The following SH3BP5L variants were observed in gnomAD, a reference collection of about 807,000 sequenced individuals.
SH3BP5L encodes the protein SH3 binding domain protein 5 like.
In SH3BP5L, 16 loss-of-function variants were observed where a neutral mutation model predicts 40.9. That is an observed-to-expected ratio of 0.39 (90% confidence interval 0.27 to 0.59). The LOEUF is 0.59. Ranked by LOEUF, SH3BP5L falls within the 20% of genes least tolerant of loss-of-function variation. The pLI is 0.53. For synonymous variants in SH3BP5L, 229 were observed against 226.7 expected, an observed-to-expected ratio of 1.01 and a Z score of -0.09; for missense variants, 471 against 544.6, an observed-to-expected ratio of 0.86 and a Z score of 1.35.
chr1:248,819,782 C>T (rs1028897730), intron 2 of SH3BP5L, among the ~76,000 whole-genome samples: 3 of 151,652 alleles, frequency 2.0e-5, no homozygotes, highest in Non-Finnish European at 2.9e-5. Flanking sequence ...TGCATTGGGC[C>T]GTGTTCAAAG....
chr1:248,816,351 A>G (rs956130285), intron 4 of SH3BP5L, 183 bp downstream of exon 4: 7 of 627,162 alleles, frequency 1.1e-5, no homozygotes, highest in Admixed American at 3.0e-5. Flanking sequence ...ATAGACCATA[A>G]GCCCAGAGCC....
intron 2 of SH3BP5L, among the ~76,000 whole-genome samples, chr1:248,818,484 G>C (rs1664167401): frequency 6.6e-6 from 1 of 152,240 alleles, no homozygotes; most frequent in African/African-American, 2.4e-5. Flanking sequence ...TCAAGATCAG[G>C]AAAGTGTATA....
chr1:248,814,599 C>T lies in SH3BP5L; in HGVS notation c.387G>A (p.Glu129=). ...CGTACCGCAGCGCTGCCTTCTGTGTCTCCTGCTGAGCCTGGGGGGAGAGGG... is the reference window on the plus strand; with the variant it reads ...CGTACCGCAGCGCTGCCTTCTGTGTTTCCTGCTGAGCCTGGGGGGAGAGGG... ...ARRLAKEAQQ[E]TQKAALRYER... The change falls in exon 5 of 7, where the codon GAG becomes GAA. Residue 129 remains glutamate (E), a synonymous_variant. Transcript: ENST00000366472. 3 of 1,614,192 alleles carry T rather than the reference C, an allele frequency of 1.9e-6. No homozygotes were observed. The South Asian group carries it at 3.3e-5, about 18-fold the overall frequency.
rs895373947 is a variant in SH3BP5L at position 248,819,656 on chromosome 1, T to C, written c.184-2772A>G. 9.3e-5 allele frequency among the ~76,000 whole-genome samples: 13 copies of C among 140,352 alleles called. No homozygotes were observed. The East Asian group carries it at 2.7e-3, about 29-fold the overall frequency. The allele number at this position is 140,352 out of a possible 152,430, so 92.1% of individuals were successfully genotyped here. On this transcript the variant is annotated intron_variant, in intron 2 of 6. Transcript: ENST00000366472. ...AGGCGGAAGTTGCAGTGGTCTGAGA[T>C]TGTGCCACTGCACTCCAGCCTGGGT... is the stretch of plus-strand genomic sequence containing the variant.
chr1:248,825,260 G>A lies in SH3BP5L; in HGVS notation c.-325C>T. ...GATCCTGGACCGAGGCCTGCTAGGA[G>A]GAGCACCATTCGGGAGGGTGGAGGC... On this transcript the variant is annotated 5_prime_UTR_variant, in exon 2 of 7. Coordinates refer to ENST00000366472, the MANE Select transcript of SH3BP5L (RefSeq NM_030645.3). The A allele has an allele frequency of 2.8e-6, 3 of 1,073,238 alleles. No homozygotes were observed. The highest frequency in any genetic ancestry group is 3.4e-6 in the Non-Finnish European group (3 of 885,088). The allele number at this position is 1,073,238 out of a possible 1,614,324, so 66.5% of individuals were successfully genotyped here.
At chr1:248,814,703 A>C (rs769325103) in intron 4 of SH3BP5L, 93 bp from the exon 5 acceptor site, 33 of 1,293,152 alleles carry the variant, frequency 2.6e-5, no homozygotes, top group Non-Finnish European at 3.5e-5. Context: ...AGAAGGAGGA[A>C]GGCCTACTAG....
rs566758043 is a variant in SH3BP5L at position 248,811,857 on chromosome 1, G to A, written c.*43C>T. On this transcript the variant is annotated 3_prime_UTR_variant, in exon 7 of 7. Transcript: ENST00000366472. ...CGTGAGAAGACTGTGGGCCCCAACC[G>A]GCCCGTGGTGGCAGATTCAAGCCAG... 15 of 1,384,486 alleles carry A rather than the reference G, an allele frequency of 1.1e-5. No homozygotes were observed. Among genetic ancestry groups the A allele is most frequent in the East Asian group, 2.5e-5 (1 of 39,620 alleles). The allele number at this position is 1,384,486 out of a possible 1,614,324, so 85.8% of individuals were successfully genotyped here. A position where few individuals can be genotyped will look rare whatever the true frequency, so the allele number is the denominator to read the frequency against.
At chr1:248,817,072 A>C in intron 2 of SH3BP5L, 188 bp from the exon 3 acceptor site, 7 of 1,528,126 alleles carry the variant, frequency 4.6e-6, no homozygotes, top group Non-Finnish European at 6.1e-6. Context: ...CCTGATACAT[A>C]CAATCTCACG....
At position 248,811,878 on chromosome 1, in the gene SH3BP5L, G is replaced by C; in HGVS notation, c.*22C>G. On this transcript the variant is annotated 3_prime_UTR_variant, in exon 7 of 7. Transcript: ENST00000366472. ...AACCGGCCCGTGGTGGCAGATTCAA[G>C]CCAGGAACCCTGGCCCCTCGGCTAC... is the stretch of plus-strand genomic sequence containing the variant. 1 of 1,480,332 alleles carries C rather than the reference G, an allele frequency of 6.8e-7. No homozygotes were observed. 91.7% of individuals were successfully genotyped at this position (1,480,332 alleles called of 1,614,324 possible).
chr1:248,810,484 G>C lies in SH3BP5L; in HGVS notation c.*1416C>G, dbSNP rs1041225520. The C allele has an allele frequency of 2.0e-5, 3 of 152,330 alleles. No individual in the cohort carries two copies. Among genetic ancestry groups the C allele is most frequent in the Non-Finnish European group, 4.4e-5 (3 of 68,082 alleles). The allele number at this position is 152,330 out of a possible 1,614,324, so 9.4% of individuals were successfully genotyped here. A position where few individuals can be genotyped will look rare whatever the true frequency, so the allele number is the denominator to read the frequency against. ...AAACTACTTTATTTAAATAAAACCA[G>C]GAAAGACCCTTTCCCCCTTACACAC... is the stretch of plus-strand genomic sequence containing the variant. On this transcript the variant is annotated 3_prime_UTR_variant, in exon 7 of 7. Coordinates refer to ENST00000366472, the MANE Select transcript of SH3BP5L (RefSeq NM_030645.3).
intron 4 of SH3BP5L, among the ~76,000 whole-genome samples, chr1:248,815,655 C>T (rs1175817897): frequency 6.6e-6 from 1 of 152,160 alleles, no homozygotes; most frequent in African/African-American, 2.4e-5. Flanking sequence ...CTACTTCTCC[C>T]CGACCAAGCC....
At position 248,811,326 on chromosome 1, in the gene SH3BP5L, C is replaced by T. The variant is rs1334648432; in HGVS notation, c.*574G>A. The T allele has an allele frequency of 6.5e-6, 1 of 153,232 alleles. No homozygotes were observed. Among genetic ancestry groups the T allele is most frequent in the African/African-American group, 2.4e-5 (1 of 41,482 alleles). The allele number at this position is 153,232 out of a possible 1,614,324, so 9.5% of individuals were successfully genotyped here. A position where few individuals can be genotyped will look rare whatever the true frequency, so the allele number is the denominator to read the frequency against. On this transcript the variant is annotated 3_prime_UTR_variant, in exon 7 of 7. Transcript: ENST00000366472. Reference sequence around the variant, plus strand: ...GGAATGCTGAAGGGAAAGGTGGTGTCTTCCGGAGGCACACAGTACATCTTA... The same window carrying T: ...GGAATGCTGAAGGGAAAGGTGGTGTTTTCCGGAGGCACACAGTACATCTTA...
intron 4 of SH3BP5L, 50 bp downstream of exon 4, chr1:248,816,484 G>A: frequency 6.2e-7 from 1 of 1,611,108 alleles, no homozygotes. Context: ...GAAGAATCCA[G>A]GGCCAGGCTC....
rs1337927277 is a variant in SH3BP5L, at chr1:248,821,421, C to T, written c.183+3332G>A. 6.6e-6 allele frequency among the ~76,000 whole-genome samples: 1 copy of T among 152,158 alleles called. No homozygotes were observed. The highest frequency in any genetic ancestry group is 2.4e-5 in the African/African-American group (1 of 41,436). On this transcript the variant is annotated intron_variant, in intron 2 of 6. Coordinates refer to ENST00000366472, the MANE Select transcript of SH3BP5L (RefSeq NM_030645.3). This position sits in a 1 kb window ranked among gnomAD's most constrained non-coding sequence, Gnocchi z 4.6. ...GGCATGGGGACTCAGGCTGCAGATG[C>T]TCCCACCCCACCTAGTGCAGACCAT...
intron 2 of SH3BP5L, among the ~76,000 whole-genome samples, chr1:248,824,225 A>G (rs949700908): frequency 2.0e-5 from 3 of 152,164 alleles, no homozygotes; most frequent in African/African-American, 7.2e-5. Flanking sequence ...CCTTTATAAC[A>G]CTGGAAAGGT....
At chr1:248,819,446 A>G (rs1664194134) in intron 2 of SH3BP5L, among the ~76,000 whole-genome samples, 1 of 151,974 alleles carries the variant, frequency 6.6e-6, no homozygotes, top group Admixed American at 6.6e-5. Context: ...TCACACCTGT[A>G]ATCCTAGCAC....
At chr1:248,817,718 C>T (rs1260441974) in intron 2 of SH3BP5L, among the ~76,000 whole-genome samples, 2 of 152,026 alleles carry the variant, frequency 1.3e-5, no homozygotes, top group African/African-American at 4.8e-5. Context: ...CCGGGTGTGG[C>T]AGCGTGCACC....
Position 248,811,886 on chromosome 1 carries a change from C to G in SH3BP5L, c.*14G>C, listed in dbSNP as rs1252360582. The G allele has an allele frequency of 2.7e-6, 4 of 1,495,864 alleles. No individual in the cohort carries two copies. The highest frequency in any genetic ancestry group is 3.6e-6 in the Non-Finnish European group (4 of 1,116,282). 92.7% of individuals were successfully genotyped at this position (1,495,864 alleles called of 1,614,324 possible). ...CGTGGTGGCAGATTCAAGCCAGGAACCCTGGCCCCTCGGCTACAGGCTGAC... is the reference window on the plus strand; with the variant it reads ...CGTGGTGGCAGATTCAAGCCAGGAAGCCTGGCCCCTCGGCTACAGGCTGAC... On this transcript the variant is annotated 3_prime_UTR_variant, in exon 7 of 7. Coordinates refer to ENST00000366472, the MANE Select transcript of SH3BP5L (RefSeq NM_030645.3).
chr1:248,816,365 G>A (rs1313472519), intron 4 of SH3BP5L, 169 bp downstream of exon 4: 18 of 683,358 alleles, frequency 2.6e-5, no homozygotes, highest in Non-Finnish European at 3.6e-5. Flanking sequence ...CAGAGCCCAC[G>A]TGGTAAAGGA....
Sources: gnomAD v4.1 joint callset for allele counts (sites outside exome capture counted in the v4.1 genomes callset) on GRCh38, gnomAD v4.1.1 for gene constraint, Gnocchi (gnomAD v3.1) non-coding constraint, MANE v1.5 for transcripts, NCBI Gene and HGNC (gene_info 2026-07-23, HGNC 2026-07-21) for gene names.